Variants in DSTYK observed in about 807,000 individuals in gnomAD.
The protein encoded by DSTYK is RIP-homologous kinase.
In DSTYK, 34 loss-of-function variants were observed where a neutral mutation model predicts 98.7. The ratio of observed to expected loss-of-function variants is 0.34; its 90% CI spans 0.26 to 0.46. The LOEUF is 0.46. Among genes scored for constraint, DSTYK ranks in the 20% least tolerant of loss-of-function variants. The pLI, the probability that DSTYK is intolerant of heterozygous loss-of-function variation, is 1.00. For synonymous variants in DSTYK, 462 were observed against 457.3 expected, an observed-to-expected ratio of 1.01 and a Z score of -0.13; for missense variants, 962 against 1,181.7, an observed-to-expected ratio of 0.81 and a Z score of 2.73.
chr1:205,182,765 C>A (rs1372496993), intron 2 of DSTYK, among the ~76,000 whole-genome samples: 1 of 150,538 alleles, frequency 6.6e-6, no homozygotes, highest in Non-Finnish European at 1.5e-5. Flanking sequence ...GAGATTGCGT[C>A]ATTGCATTCC....
At chr1:205,177,213 A>G (rs1485653348) in intron 2 of DSTYK, among the ~76,000 whole-genome samples, 1 of 152,196 alleles carries the variant, frequency 6.6e-6, no homozygotes, top group Non-Finnish European at 1.5e-5. Context: ...TTTCTAAAAT[A>G]TAAACAAACA....
chr1:205,151,466 TTTGTTG>T (rs142504789), intron 10 of DSTYK, among the ~76,000 whole-genome samples: 1 of 152,000 alleles, frequency 6.6e-6, no homozygotes, highest in South Asian at 2.1e-4. Context: ...ATAGTGGCTT[TTTGTTG>T]TTGTTGTTGT....
intron 10 of DSTYK, among the ~76,000 whole-genome samples, chr1:205,154,428 C>T (rs938624654): frequency 6.6e-6 from 1 of 152,142 alleles, no homozygotes; most frequent in African/African-American, 2.4e-5. Flanking sequence ...TTTTGATCGG[C>T]ACTTCTCCTT....
intron 1 of DSTYK, among the ~76,000 whole-genome samples, chr1:205,207,928 G>C (rs1468898949): frequency 6.6e-6 from 1 of 151,872 alleles, no homozygotes; most frequent in Admixed American, 6.6e-5. Flanking sequence ...CCAGGCTGGA[G>C]TGCAATGGCG....
chr1:205,197,712 T>G (rs1052718163), intron 1 of DSTYK, among the ~76,000 whole-genome samples: 3 of 152,180 alleles, frequency 2.0e-5, no homozygotes, highest in African/African-American at 7.2e-5. Flanking sequence ...TTCCATCCCA[T>G]CAATCTTCCT....
Position 205,169,682 on chromosome 1 carries a change from G to T in DSTYK, c.805C>A (p.Arg269=). Residue 269 remains arginine, a synonymous_variant, in exon 3 of 13, where the codon CGA becomes AGA. Coordinates refer to ENST00000367162, the MANE Select transcript of DSTYK (RefSeq NM_015375.3). This position sits in a 1 kb window ranked among gnomAD's most constrained non-coding sequence, Gnocchi z 4.0. ...AATACAGGAAAGGAGAAATACTTTC[G>T]GATTTCCTGAAGCTCTTGCTCATCC... ...ERDEQELQEI[R]KYFSFPVFFF... 1 of 1,614,138 alleles carries T rather than the reference G, an allele frequency of 6.2e-7. No homozygotes were observed. Among genetic ancestry groups the T allele is most frequent in the Middle Eastern group, 1.6e-4 (1 of 6,062 alleles).
At chr1:205,178,097 A>G (rs1658285375) in intron 2 of DSTYK, among the ~76,000 whole-genome samples, 1 of 152,170 alleles carries the variant, frequency 6.6e-6, no homozygotes, top group Non-Finnish European at 1.5e-5. Flanking sequence ...CAGGCCAGAT[A>G]TAAGACTTAG....
chr1:205,194,573 G>A (rs1319215773), intron 1 of DSTYK, among the ~76,000 whole-genome samples: 1 of 150,704 alleles, frequency 6.6e-6, no homozygotes, highest in Admixed American at 6.6e-5. Flanking sequence ...AATAGAGATG[G>A]GGTCTCACTA....
At chr1:205,154,676 C>A (rs1029060280) in intron 10 of DSTYK, among the ~76,000 whole-genome samples, 1 of 152,176 alleles carries the variant, frequency 6.6e-6, no homozygotes, top group Non-Finnish European at 1.5e-5. Context: ...GACTTTGGAA[C>A]TGAGTAACAG....
chr1:205,191,676 GCA>G (rs1658717269), intron 1 of DSTYK, among the ~76,000 whole-genome samples: 1 of 152,126 alleles, frequency 6.6e-6, no homozygotes, highest in African/African-American at 2.4e-5. Flanking sequence ...CACTATAACT[GCA>G]GAACAAAAAG....
intron 3 of DSTYK, among the ~76,000 whole-genome samples, 172 bp downstream of exon 3, chr1:205,168,991 G>C (rs1334552783): frequency 6.6e-6 from 1 of 152,202 alleles, no homozygotes; most frequent in African/African-American, 2.4e-5. Flanking sequence ...TGATCTTTGA[G>C]AGCAAGAGAG....
intron 9 of DSTYK, 26 bp downstream of exon 9, chr1:205,159,521 C>T: frequency 6.3e-7 from 1 of 1,593,870 alleles, no homozygotes; most frequent in Non-Finnish European, 8.6e-7. Flanking sequence ...GATTTGGCTG[C>T]CAGCTGGATC....
chr1:205,177,574 T>C (rs1395968244), intron 2 of DSTYK, among the ~76,000 whole-genome samples: 1 of 152,148 alleles, frequency 6.6e-6, no homozygotes, highest in African/African-American at 2.4e-5. Flanking sequence ...GTATAGAAAA[T>C]ACCTTGACTT....
chr1:205,201,549 G>A (rs556876336), intron 1 of DSTYK, among the ~76,000 whole-genome samples: 24 of 151,924 alleles, frequency 1.6e-4, no homozygotes, highest in South Asian at 6.2e-4. Flanking sequence ...CAAAAAAAAC[G>A]CCCTTCCAAG....
chr1:205,187,491 A>G lies in DSTYK; in HGVS notation c.581T>C (p.Val194Ala). ...AGCAGCATCCTCATTGTTCTCTTGG[A>G]CCTCCAGATCCTCCTCAGGGATGGT... ...WETIPEEDLEVQENNEDAAHV... is the reference protein window; with the variant it reads ...WETIPEEDLEAQENNEDAAHV... The change falls in exon 2 of 13, where the codon GTC becomes GCC. Residue 194 changes from valine (V) to alanine (A), a missense_variant. Coordinates refer to ENST00000367162, the MANE Select transcript of DSTYK (RefSeq NM_015375.3). The G allele has an allele frequency of 6.2e-7, 1 of 1,614,112 alleles. No individual in the cohort carries two copies. The highest frequency in any genetic ancestry group is 8.5e-7 in the Non-Finnish European group (1 of 1,180,032).
intron 1 of DSTYK, among the ~76,000 whole-genome samples, chr1:205,203,954 T>C (rs1345617777): frequency 2.6e-5 from 4 of 151,878 alleles, no homozygotes; most frequent in African/African-American, 9.7e-5. Flanking sequence ...ACCTGTACCA[T>C]GGGAAACAGA....
chr1:205,157,975 T>C (rs899573699), intron 9 of DSTYK, among the ~76,000 whole-genome samples: 66 of 152,158 alleles, frequency 4.3e-4, no homozygotes, highest in Non-Finnish European at 9.0e-4. Flanking sequence ...ATTCTGGAAC[T>C]GCCCTTGAGG....
At chr1:205,181,154 G>C (rs776373185) in intron 2 of DSTYK, among the ~76,000 whole-genome samples, 1 of 152,022 alleles carries the variant, frequency 6.6e-6, no homozygotes, top group Non-Finnish European at 1.5e-5. Context: ...ACATATAAAT[G>C]ATCCTTGTTT....
At chr1:205,147,970 T>C (rs939927258) in intron 12 of DSTYK, among the ~76,000 whole-genome samples, 22 of 151,966 alleles carry the variant, frequency 1.4e-4, no homozygotes, top group Non-Finnish European at 2.2e-4. Flanking sequence ...CATTAGCATA[T>C]GAAGTTGAAG....
Sources: gnomAD v4.1 joint callset for allele counts (sites outside exome capture counted in the v4.1 genomes callset) on GRCh38, gnomAD v4.1.1 for gene constraint, Gnocchi (gnomAD v3.1) non-coding constraint, MANE v1.5 for transcripts, NCBI Gene and HGNC (gene_info 2026-07-23, HGNC 2026-07-21) for gene names.